NET1: variants seen among roughly 807,000 people sequenced by gnomAD.
NET1 encodes neuroepithelial cell transforming 1.
NET1 carries 42 observed loss-of-function variants against 61.1 expected under a neutral mutation model. That is an observed-to-expected ratio of 0.69 (90% confidence interval 0.54 to 0.89). The LOEUF (loss-of-function observed/expected upper bound fraction) is 0.89. Ranked by LOEUF, NET1 falls within the 40% of genes least tolerant of loss-of-function variation. The probability of loss-of-function intolerance (pLI) is 0.00; values close to 1 mark genes in which losing one functional copy is unlikely to be tolerated. For missense variants in NET1, 654 were observed against 747.3 expected (o/e 0.88, Z 1.46); for synonymous variants, 254 against 281.8 (o/e 0.90, Z 0.99).
intron 1 of NET1, among the ~76,000 whole-genome samples, chr10:5,425,257 A>G (rs1167815903): frequency 3.9e-5 from 1 of 25,888 alleles, no homozygotes; most frequent in Non-Finnish European, 9.8e-5. Context: ...TCCTTGTCGG[A>G]AAAAAAACAA....
In NET1 at chr10:5,448,672, A is replaced by ATTTTTTTTT. The variant is rs55722042; in HGVS notation, c.256-3149_256-3141dup. 7.9e-5 allele frequency among the ~76,000 whole-genome samples: 10 copies of ATTTTTTTTT among 126,736 alleles called. No individual in the cohort carries two copies. In the East Asian group the frequency reaches 1.1e-3, roughly 14 times the overall value. The allele number at this position is 126,736 out of a possible 152,430, so 83.1% of individuals were successfully genotyped here. A position where few individuals can be genotyped will look rare whatever the true frequency, so the allele number is the denominator to read the frequency against. Reference sequence around the variant, plus strand: ...TTTGTTTATTCCCATGGATTTTTGGATTTTTTTTTTTTTTTTTGAGGAGAG... The same window carrying ATTTTTTTTT: ...TTTGTTTATTCCCATGGATTTTTGGATTTTTTTTTTTTTTTTTTTTTTTTTTGAGGAGAG... On this transcript the variant is annotated intron_variant, in intron 3 of 11. Transcript: ENST00000355029.
chr10:5,413,365 G>A (rs1429064360), intron 1 of NET1, among the ~76,000 whole-genome samples: 1 of 152,154 alleles, frequency 6.6e-6, no homozygotes, highest in Non-Finnish European at 1.5e-5. Context: ...AGTTGACTTC[G>A]GGATATGTTA....
At chr10:5,436,248 A>T (rs12780178) in intron 3 of NET1, among the ~76,000 whole-genome samples, 1,979 of 18,418 alleles carry the variant, frequency 0.11, 118 homozygotes, top group East Asian at 0.15. Context: ...ATATATATAT[A>T]TTTTTTTTTT....
chr10:5,425,437 C>A (rs1832244771), intron 1 of NET1, among the ~76,000 whole-genome samples: 1 of 152,198 alleles, frequency 6.6e-6, no homozygotes, highest in Non-Finnish European at 1.5e-5. Flanking sequence ...TATAAACAGA[C>A]AATGACTTCA....
At position 5,431,540 on chromosome 10, in the gene NET1, G is replaced by A. The variant is rs1382899286; in HGVS notation, c.255+2311G>A. ...TTTATCAGACCTCTGTTTATTAACT[G>A]GAATACATCTGTAAAGAGAAAATTC... On this transcript the variant is annotated intron_variant, in intron 3 of 11. Coordinates refer to ENST00000355029, the MANE Select transcript of NET1 (RefSeq NM_001047160.3). The surrounding 1 kb of genome is among the most constrained non-coding windows in gnomAD (Gnocchi z 4.9). Among the ~76,000 whole-genome samples the A allele has an allele frequency of 6.6e-6, 1 of 151,744 alleles. No individual in the cohort carries two copies. Among genetic ancestry groups the A allele is most frequent in the Non-Finnish European group, 1.5e-5 (1 of 67,948 alleles).
Position 5,458,540 on chromosome 10 carries a change from T to C in NET1, c.*1546T>C, listed in dbSNP as rs1396391765. 6.6e-6 allele frequency: 1 copy of C among 152,554 alleles called. No homozygotes were observed. Among genetic ancestry groups the C allele is most frequent in the Non-Finnish European group, 1.5e-5 (1 of 68,026 alleles). The allele number at this position is 152,554 out of a possible 1,614,324, so 9.5% of individuals were successfully genotyped here. A position where few individuals can be genotyped will look rare whatever the true frequency, so the allele number is the denominator to read the frequency against. ...TATGCTGGTGTGGCAAAGGAGGTAG[T>C]GGTAAGCCTCATAAAAGTTAGTAAA... On this transcript the variant is annotated 3_prime_UTR_variant, in exon 12 of 12. Coordinates refer to ENST00000355029, the MANE Select transcript of NET1 (RefSeq NM_001047160.3). The surrounding 1 kb of genome is among the most constrained non-coding windows in gnomAD (Gnocchi z 4.5).
Position 5,437,829 on chromosome 10 carries a change from A to G in NET1, c.255+8600A>G, listed in dbSNP as rs1311862554. Among the ~76,000 whole-genome samples the G allele has an allele frequency of 1.3e-5, 2 of 152,186 alleles. No individual in the cohort carries two copies. Among genetic ancestry groups the G allele is most frequent in the Non-Finnish European group, 2.9e-5 (2 of 68,020 alleles). On this transcript the variant is annotated intron_variant, in intron 3 of 11. Coordinates refer to ENST00000355029, the MANE Select transcript of NET1 (RefSeq NM_001047160.3). The surrounding 1 kb of genome is among the most constrained non-coding windows in gnomAD (Gnocchi z 4.3). ...CATTTTTCTCAAGTGCATGTAGAAC[A>G]TTCCAGGATAGACGGTATGTCAGGC...
At chr10:5,413,208 C>A (rs1832031336) in intron 1 of NET1, among the ~76,000 whole-genome samples, 1 of 152,084 alleles carries the variant, frequency 6.6e-6, no homozygotes, top group African/African-American at 2.4e-5. Flanking sequence ...TCAGGGGAGA[C>A]TTAGGAAAAA....
intron 3 of NET1, 93 bp downstream of exon 3, chr10:5,429,322 G>T (rs1832311313): frequency 7.0e-6 from 6 of 854,590 alleles, no homozygotes; most frequent in Non-Finnish European, 9.1e-6. Context: ...GCTGGTTTGG[G>T]TTTTTTTGTT....
rs535005914 is a variant in NET1, at chr10:5,443,591, C to T, written c.256-8239C>T. 1.1e-3 allele frequency among the ~76,000 whole-genome samples: 160 copies of T among 152,240 alleles called. No homozygotes were observed. Among genetic ancestry groups the T allele is most frequent in the African/African-American group, 3.3e-3 (138 of 41,542 alleles). On this transcript the variant is annotated intron_variant, in intron 3 of 11. Transcript: ENST00000355029. The surrounding 1 kb of genome is among the most constrained non-coding windows in gnomAD (Gnocchi z 4.8). Reference sequence around the variant, plus strand: ...AGATTCTTGAGTCCAGTTGAACTTCCGCATGTTCATCATTCCTTTTTTAGA... The same window carrying T: ...AGATTCTTGAGTCCAGTTGAACTTCTGCATGTTCATCATTCCTTTTTTAGA...
At chr10:5,429,298 C>T in intron 3 of NET1, 69 bp downstream of exon 3, 1 of 1,163,092 alleles carries the variant, frequency 8.6e-7, no homozygotes, top group Non-Finnish European at 1.2e-6. Context: ...TTCTGTGCTG[C>T]AAGAATAACA....
intron 3 of NET1, among the ~76,000 whole-genome samples, chr10:5,450,706 A>G (rs1196347651): frequency 6.6e-6 from 1 of 152,218 alleles, no homozygotes; most frequent in Non-Finnish European, 1.5e-5. Context: ...ACAAAATACA[A>G]ATAGTTATGC....
At position 5,412,835 on chromosome 10, in the gene NET1, G is replaced by C; in HGVS notation, c.128+15G>C. The C allele has an allele frequency of 7.2e-7, 1 of 1,390,064 alleles. No homozygotes were observed. The highest frequency in any genetic ancestry group is 1.6e-5 in the South Asian group (1 of 61,284). 86.1% of individuals were successfully genotyped at this position (1,390,064 alleles called of 1,614,324 possible). Reference sequence around the variant, plus strand: ...CTGGACGGGAGGTGAGTGTGGGGGAGGGGAGGGCCGAACGGGAGGTGAGTG... The same window carrying C: ...CTGGACGGGAGGTGAGTGTGGGGGACGGGAGGGCCGAACGGGAGGTGAGTG... On this transcript the variant is annotated intron_variant, in intron 1 of 11. Coordinates refer to ENST00000355029, the MANE Select transcript of NET1 (RefSeq NM_001047160.3). This position sits in a 1 kb window ranked among gnomAD's most constrained non-coding sequence, Gnocchi z 6.5.
rs1024977448 is a variant in NET1, at chr10:5,458,997, A to G, written c.*2003A>G. ...ACCGTATCTTCTTTTGGTTCCCTCA[A>G]AGGTAAAAATAAGACCCAGAATCTG... On this transcript the variant is annotated 3_prime_UTR_variant, in exon 12 of 12. Transcript: ENST00000355029. This position sits in a 1 kb window ranked among gnomAD's most constrained non-coding sequence, Gnocchi z 4.5. Among the ~76,000 whole-genome samples the G allele has an allele frequency of 6.6e-6, 1 of 152,174 alleles. No homozygotes were observed. Among genetic ancestry groups the G allele is most frequent in the African/African-American group, 2.4e-5 (1 of 41,452 alleles).
intron 3 of NET1, among the ~76,000 whole-genome samples, chr10:5,430,041 C>T (rs1271724265): frequency 2.0e-5 from 3 of 152,070 alleles, no homozygotes; most frequent in Non-Finnish European, 4.4e-5. Flanking sequence ...TCCAGCAAGT[C>T]AATTTTTTTC....
Position 5,412,768 on chromosome 10 carries a change from G to A in NET1, c.76G>A (p.Glu26Lys). The change falls in exon 1 of 12, where the codon GAG (glutamate) becomes AAG (lysine). Residue 26 changes from glutamate (E) to lysine (K), a missense_variant. By Grantham distance (56) the Glu-to-Lys change is moderately conservative. Coordinates refer to ENST00000355029, the MANE Select transcript of NET1 (RefSeq NM_001047160.3). The surrounding 1 kb of genome is among the most constrained non-coding windows in gnomAD (Gnocchi z 6.5). ...RSRRASGLSTEGATGPSADTS... is the reference protein window; with the variant it reads ...RSRRASGLSTKGATGPSADTS... ...CCGCCGGGCCTCTGGGCTCAGCACG[G>A]AGGGAGCGACGGGGCCTTCGGCCGA... 1 of 1,469,426 alleles carries A rather than the reference G, an allele frequency of 6.8e-7. No individual in the cohort carries two copies. Among genetic ancestry groups the A allele is most frequent in the Non-Finnish European group, 9.0e-7 (1 of 1,114,668 alleles). The allele number at this position is 1,469,426 out of a possible 1,614,324, so 91.0% of individuals were successfully genotyped here.
Position 5,427,494 on chromosome 10 carries a change from C to T in NET1, c.195+773C>T, listed in dbSNP as rs934508499. 8.5e-5 allele frequency among the ~76,000 whole-genome samples: 13 copies of T among 152,106 alleles called. No homozygotes were observed. Among genetic ancestry groups the T allele is most frequent in the African/African-American group, 2.9e-4 (12 of 41,420 alleles). On this transcript the variant is annotated intron_variant, in intron 2 of 11. Coordinates refer to ENST00000355029, the MANE Select transcript of NET1 (RefSeq NM_001047160.3). This position sits in a 1 kb window ranked among gnomAD's most constrained non-coding sequence, Gnocchi z 4.1. The stretch of plus-strand genomic sequence containing the variant: ...ACCATGTCAACAGTACCATATGTAT[C>T]CTTCTATATTTTGCTCATATCATTA...
chr10:5,450,552 G>T (rs151074546), intron 3 of NET1, among the ~76,000 whole-genome samples: 3,058 of 151,836 alleles, frequency 0.02, 51 homozygotes, highest in Non-Finnish European at 0.032. Context: ...TCATGTCAAA[G>T]AATTTTTAGA....
rs151234884 is a variant in NET1, at chr10:5,453,552, G to T, written c.760G>T (p.Val254Leu). ...AGTGGAGCAGATTGGTCACATTCTC[G>T]TGAGCTGGGTATGTAGTGAGTTGTT... ...GTVEQIGHIL[V>L]SWLPRLNAYR... Residue 254 changes from valine (V) to leucine (L), a missense_variant, in exon 8 of 12, where the codon GTG (valine) becomes TTG (leucine). By Grantham distance (32) the Val-to-Leu change is conservative. Coordinates refer to ENST00000355029, the MANE Select transcript of NET1 (RefSeq NM_001047160.3). The surrounding 1 kb of genome is among the most constrained non-coding windows in gnomAD (Gnocchi z 4.9). 1 of 1,613,944 alleles carries T rather than the reference G, an allele frequency of 6.2e-7. No homozygotes were observed. Among genetic ancestry groups the T allele is most frequent in the South Asian group, 1.1e-5 (1 of 91,072 alleles).
Sources: allele counts gnomAD v4.1 joint callset (sites outside exome capture counted in the v4.1 genomes callset), GRCh38; gene constraint gnomAD v4.1.1; non-coding constraint Gnocchi (gnomAD v3.1); transcripts MANE v1.5; gene names NCBI Gene and HGNC (gene_info 2026-07-23, HGNC 2026-07-21).